Variants in ZSCAN12 observed in about 807,000 individuals in gnomAD.
ZSCAN12 encodes the protein zinc finger and SCAN domain containing 12, also known as zinc finger and SCAN domain-containing protein 12.
In ZSCAN12, 18 loss-of-function variants were observed where a neutral mutation model predicts 23.4. The ratio of observed to expected loss-of-function variants is 0.77; its 90% CI spans 0.53 to 1.14. The LOEUF is 1.14. Ranked by LOEUF, ZSCAN12 falls within the 50% of genes most tolerant of loss-of-function variation. The pLI is 0.00. For missense variants in ZSCAN12, 650 were observed against 735.0 expected (o/e 0.88, Z 1.34); for synonymous variants, 186 against 253.4 (o/e 0.73, Z 2.53).
rs753313261 is a variant in ZSCAN12, at chr6:28,387,060, C to T, written c.*3394G>A. Among the ~76,000 whole-genome samples, 13 of 152,100 alleles carry T rather than the reference C, an allele frequency of 8.5e-5. No homozygotes were observed. The highest frequency in any genetic ancestry group is 1.6e-4 in the Non-Finnish European group (11 of 68,018). On this transcript the variant is annotated 3_prime_UTR_variant, in exon 4 of 4. Coordinates refer to ENST00000684592, the MANE Select transcript of ZSCAN12 (RefSeq NM_001163391.2). ...CAAGATGGTCTCAACCTCCTGACCT[C>T]GTGATCCGCCCACCTCGGCCTCCCA...
rs2859357 is a variant in ZSCAN12, at chr6:28,393,192, T to C, written c.403-146A>G. On this transcript the variant is annotated intron_variant, in intron 2 of 3. Transcript: ENST00000684592. ...CCCTACCCATTCTTCAAGGCCAATA[T>C]AAATGTCGCCTCCTCTGGGGAATCT... The C allele has an allele frequency of 2.7e-3, 2,163 of 809,534 alleles. 9 individuals carry two copies. The highest frequency in any genetic ancestry group is 0.019 in the African/African-American group (1,077 of 57,590). 50.1% of individuals were successfully genotyped at this position (809,534 alleles called of 1,614,324 possible).
At chr6:28,396,487 G>T (rs748077143) in intron 2 of ZSCAN12, among the ~76,000 whole-genome samples, 1 of 152,024 alleles carries the variant, frequency 6.6e-6, no homozygotes, top group Non-Finnish European at 1.5e-5. Context: ...TTCTCCATTG[G>T]TTCTTCCTTC....
chr6:28,384,690 G>A (rs1760455820), downstream of ZSCAN12, among the ~76,000 whole-genome samples: 1 of 151,932 alleles, frequency 6.6e-6, no homozygotes, highest in Non-Finnish European at 1.5e-5. Flanking sequence ...ATATACATGA[G>A]GTCATATATA....
chr6:28,398,302 C>T lies in ZSCAN12; in HGVS notation c.104G>A (p.Arg35His), dbSNP rs925193904. The change falls in exon 2 of 4, where the codon CGT becomes CAT. Residue 35 changes from arginine (R) to histidine (H), a missense_variant. By Grantham distance (29) the Arg-to-His change is conservative (BLOSUM62 0). Coordinates refer to ENST00000684592, the MANE Select transcript of ZSCAN12 (RefSeq NM_001163391.2). Reference protein sequence around the residue: ...KYTTRQDWDLRKNNTHSREVF... With the variant: ...KYTTRQDWDLHKNNTHSREVF... ...CTCTCTGCTATGGGTGTTGTTTTTA[C>T]GCAGGTCCCAATCCTGTCTGGTGGT... is the stretch of plus-strand genomic sequence containing the variant. 3.8e-6 allele frequency: 6 copies of T among 1,586,886 alleles called. No individual in the cohort carries two copies. Among genetic ancestry groups the T allele is most frequent in the Non-Finnish European group, 5.1e-6 (6 of 1,166,244 alleles).
At position 28,391,453 on chromosome 6, in the gene ZSCAN12, A is replaced by G; in HGVS notation, c.837T>C (p.Cys279=). ...PGEESYGCDD[C]GKAFSQHSHL... ...GTGAGTGCTGACTAAAAGCTTTTCCACAGTCATCACATCCGTAAGATTCTT... is the reference window on the plus strand; with the variant it reads ...GTGAGTGCTGACTAAAAGCTTTTCCGCAGTCATCACATCCGTAAGATTCTT... Residue 279 remains cysteine (C), a synonymous_variant, in exon 4 of 4, where the codon TGT becomes TGC. Transcript: ENST00000684592. The surrounding 1 kb of genome is among the most constrained non-coding windows in gnomAD (Gnocchi z 4.1). 1.3e-6 allele frequency: 2 copies of G among 1,551,906 alleles called. No homozygotes were observed. The highest frequency in any genetic ancestry group is 2.0e-5 in the Admixed American group (1 of 51,018).
At chr6:28,393,460 G>A (rs1442397110) in intron 2 of ZSCAN12, among the ~76,000 whole-genome samples, 17 of 142,084 alleles carry the variant, frequency 1.2e-4, no homozygotes, top group East Asian at 8.2e-4. Flanking sequence ...GGTAAATAAT[G>A]TAGAGAAATG....
rs1381903971 is a variant in ZSCAN12, at chr6:28,387,354, AAAC to A, written c.*3097_*3099del. On this transcript the variant is annotated 3_prime_UTR_variant, in exon 4 of 4. Coordinates refer to ENST00000684592, the MANE Select transcript of ZSCAN12 (RefSeq NM_001163391.2). The stretch of plus-strand genomic sequence containing the variant: ...CTCAGAGGAGTAGAAGGCAAGTTTA[AAAC>A]AACGATTGCATTCCAGCGAGCAGTC... Among the ~76,000 whole-genome samples, 2 of 152,348 alleles carry A rather than the reference AAAC, an allele frequency of 1.3e-5. No individual in the cohort carries two copies. The highest frequency in any genetic ancestry group is 6.5e-5 in the Admixed American group (1 of 15,306).
chr6:28,387,581 C>T lies in ZSCAN12; in HGVS notation c.*2873G>A, dbSNP rs534272353. On this transcript the variant is annotated 3_prime_UTR_variant, in exon 4 of 4. Coordinates refer to ENST00000684592, the MANE Select transcript of ZSCAN12 (RefSeq NM_001163391.2). ...TGAAACAGCAAAAGAACTACCATAA[C>T]TAACTCCATTTTTGTTTAAGGACCC... 6.6e-6 allele frequency among the ~76,000 whole-genome samples: 1 copy of T among 152,330 alleles called. No homozygotes were observed. The highest frequency in any genetic ancestry group is 2.4e-5 in the African/African-American group (1 of 41,578).
Position 28,385,133 on chromosome 6 carries a change from A to G in ZSCAN12, c.*5321T>C, listed in dbSNP as rs970733903. 2.0e-5 allele frequency among the ~76,000 whole-genome samples: 3 copies of G among 152,214 alleles called. No homozygotes were observed. The highest frequency in any genetic ancestry group is 6.5e-5 in the Admixed American group (1 of 15,286). On this transcript the variant is annotated 3_prime_UTR_variant, in exon 4 of 4. Coordinates refer to ENST00000684592, the MANE Select transcript of ZSCAN12 (RefSeq NM_001163391.2). ...TTCTAATATAAAATCACTTTTGAAA[A>G]CTGGCATTAAAGATAGATCCATAAT...
chr6:28,396,019 ATT>A (rs70983941), intron 2 of ZSCAN12, among the ~76,000 whole-genome samples: 19 of 132,084 alleles, frequency 1.4e-4, no homozygotes, highest in Non-Finnish European at 9.6e-5. Flanking sequence ...GTGTTTGTTG[ATT>A]TTTTTTTTTT....
At chr6:28,395,221 C>T (rs1454159742) in intron 2 of ZSCAN12, among the ~76,000 whole-genome samples, 1 of 152,106 alleles carries the variant, frequency 6.6e-6, no homozygotes, top group Non-Finnish European at 1.5e-5. Flanking sequence ...AGGCTTGAGC[C>T]ACCGTGCCTG....
Position 28,387,201 on chromosome 6 carries a change from A to G in ZSCAN12, c.*3253T>C. On this transcript the variant is annotated 3_prime_UTR_variant, in exon 4 of 4. Transcript: ENST00000684592. ...ATTCCATTGTTCTGAGTCTTTGTTT[A>G]TGGTCCCTTTATAATATTAGGTATA... 6.6e-6 allele frequency among the ~76,000 whole-genome samples: 1 copy of G among 152,312 alleles called. No individual in the cohort carries two copies.
rs971384430 is a variant in ZSCAN12 at position 28,386,183 on chromosome 6, C to T, written c.*4271G>A. Among the ~76,000 whole-genome samples the T allele has an allele frequency of 2.6e-5, 4 of 152,182 alleles. No homozygotes were observed. The highest frequency in any genetic ancestry group is 4.4e-5 in the Non-Finnish European group (3 of 68,034). On this transcript the variant is annotated 3_prime_UTR_variant, in exon 4 of 4. Coordinates refer to ENST00000684592, the MANE Select transcript of ZSCAN12 (RefSeq NM_001163391.2). ...ACTTTTCATTACTTTAGAAACTTGG[C>T]TCTTCCCCAACCTCTCCATGCTTTT...
rs367932659 is a variant in ZSCAN12 at position 28,384,898 on chromosome 6, C to A, written c.*5556G>T. On this transcript the variant is annotated 3_prime_UTR_variant, in exon 4 of 4. Transcript: ENST00000684592. ...GTAGTGACTGTGGTATATAACTTTT[C>A]GGTTTAAAGGATAAAAGTTGGGAAG... Among the ~76,000 whole-genome samples the A allele has an allele frequency of 2.6e-5, 4 of 152,202 alleles. No individual in the cohort carries two copies. Among genetic ancestry groups the A allele is most frequent in the African/African-American group, 7.2e-5 (3 of 41,522 alleles).
rs904508080 is a variant in ZSCAN12, at chr6:28,390,240, C to G, written c.*214G>C. The stretch of plus-strand genomic sequence containing the variant: ...GACTAAATATGTGGATCTTATCTAT[C>G]CCAAACTAGGCTACAAACTCTCTGA... On this transcript the variant is annotated 3_prime_UTR_variant, in exon 4 of 4. Coordinates refer to ENST00000684592, the MANE Select transcript of ZSCAN12 (RefSeq NM_001163391.2). 6.6e-6 allele frequency among the ~76,000 whole-genome samples: 1 copy of G among 152,152 alleles called. No individual in the cohort carries two copies. The highest frequency in any genetic ancestry group is 2.4e-5 in the African/African-American group (1 of 41,430).
In ZSCAN12 at chr6:28,399,717, A is replaced by G. The variant is rs1277190830; in HGVS notation, c.-129T>C. 1 of 152,380 alleles carries G rather than the reference A, an allele frequency of 6.6e-6. No homozygotes were observed. Among genetic ancestry groups the G allele is most frequent in the Non-Finnish European group, 1.5e-5 (1 of 68,212 alleles). 9.4% of individuals were successfully genotyped at this position (152,380 alleles called of 1,614,324 possible). The stretch of plus-strand genomic sequence containing the variant: ...ACGGAGCGAAGGCAAGAGGCCTCGA[A>G]CCCTTTTGGGACCCGGAACCCATCA... On this transcript the variant is annotated 5_prime_UTR_variant, in exon 1 of 4. Coordinates refer to ENST00000684592, the MANE Select transcript of ZSCAN12 (RefSeq NM_001163391.2).
chr6:28,394,282 A>T (rs1008698787), intron 2 of ZSCAN12, among the ~76,000 whole-genome samples: 2 of 152,178 alleles, frequency 1.3e-5, no homozygotes, highest in Admixed American at 1.3e-4. Context: ...TCTCTCTGAG[A>T]TTATAAATAA....
At chr6:28,392,798 C>T in intron 3 of ZSCAN12, 104 bp downstream of exon 3, 1 of 1,323,666 alleles carries the variant, frequency 7.6e-7, no homozygotes, top group East Asian at 2.5e-5. Context: ...CTGAGACGGC[C>T]TTTTTGACTT....
At chr6:28,382,835 C>G (rs1056550731), downstream of ZSCAN12, among the ~76,000 whole-genome samples, 1 of 152,102 alleles carries the variant, frequency 6.6e-6, no homozygotes, top group Non-Finnish European at 1.5e-5. Flanking sequence ...GACCCTCTTC[C>G]CTTGGCTCCC....
Sources: gnomAD v4.1 joint callset for allele counts (sites outside exome capture counted in the v4.1 genomes callset) on GRCh38, gnomAD v4.1.1 for gene constraint, Gnocchi (gnomAD v3.1) non-coding constraint, MANE v1.5 for transcripts, NCBI Gene and HGNC (gene_info 2026-07-23, HGNC 2026-07-21) for gene names.